NOX1: variants seen among roughly 807,000 people sequenced by gnomAD.
NOX1 encodes NADH/NADPH mitogenic oxidase subunit P65-MOX.
Under a neutral mutation model 42.5 loss-of-function variants are expected in NOX1, and 34 were observed. The ratio of observed to expected loss-of-function variants is 0.80; its 90% CI spans 0.61 to 1.07. The LOEUF is 1.07. NOX1 is among the 50% of genes least tolerant of loss of function. The pLI is 0.00. For synonymous variants in NOX1, 143 were observed against 152.5 expected (o/e 0.94, Z 0.46); for missense variants, 408 against 427.0 (o/e 0.96, Z 0.39).
intron 1 of NOX1, among the ~76,000 whole-genome samples, chrX:100,871,158 G>A (rs1405949592): frequency 8.9e-6 from 1 of 112,304 alleles, no homozygotes; most frequent in East Asian, 2.8e-4. Flanking sequence ...GCATGTGAAA[G>A]TTATATGAAA....
At chrX:100,868,058 C>T (rs1413728771) in intron 2 of NOX1, among the ~76,000 whole-genome samples, 1 of 112,018 alleles carries the variant, frequency 8.9e-6, no homozygotes, top group African/African-American at 3.2e-5. Flanking sequence ...CTGTTAATAA[C>T]TAGTCACATT....
At chrX:100,853,288 T>TC (rs1569445569) in intron 7 of NOX1, among the ~76,000 whole-genome samples, 29 of 69,645 alleles carry the variant, frequency 4.2e-4, no homozygotes, top group African/African-American at 1.6e-3. Flanking sequence ...CTTTCTTTCT[T>TC]TCTTTCTTTC....
In NOX1 at chrX:100,849,868, C is replaced by T. The variant is rs781040388; in HGVS notation, c.1200G>A (p.Leu400=). 35 of 1,209,094 alleles carry T rather than the reference C, an allele frequency of 2.9e-5. No homozygotes were observed. The South Asian group carries it at 4.1e-4, about 14-fold the overall frequency. ...EDVFQYEVAV[L]VGAGIGVTPF... ...GGGTGACCCCAATTCCTGCTCCAACCAGCACAGCCACTTCATACTGGAAAA... is the reference window on the plus strand; with the variant it reads ...GGGTGACCCCAATTCCTGCTCCAACTAGCACAGCCACTTCATACTGGAAAA... Residue 400 remains leucine, a synonymous_variant, in exon 10 of 13, where the codon CTG becomes CTA. Transcript: ENST00000372966.
At chrX:100,857,766 T>G (rs962566814) in intron 7 of NOX1, among the ~76,000 whole-genome samples, 2 of 110,521 alleles carry the variant, frequency 1.8e-5, no homozygotes, top group African/African-American at 3.3e-5. Context: ...TTTGTGTTTT[T>G]TTGTTGTTGT....
At position 100,863,479 on chromosome X, in the gene NOX1, A is replaced by T. The variant is rs1242415717; in HGVS notation, c.252+6T>A. 8.3e-7 allele frequency: 1 copy of T among 1,207,829 alleles called. No homozygotes were observed. The highest frequency in any genetic ancestry group is 3.0e-5 in the East Asian group (1 of 33,789). On this transcript the variant is annotated splice_donor_region_variant and intron_variant, in intron 3 of 12. Transcript: ENST00000372966. Reference sequence around the variant, plus strand: ...GAAAGTTGACTTAGGAGTGGTTGGGACTCACTGAGCAGGTGCCCCTCAGGA... The same window carrying T: ...GAAAGTTGACTTAGGAGTGGTTGGGTCTCACTGAGCAGGTGCCCCTCAGGA...
intron 12 of NOX1, among the ~76,000 whole-genome samples, chrX:100,845,131 G>A (rs2085063858): frequency 8.9e-6 from 1 of 111,774 alleles, no homozygotes; most frequent in Non-Finnish European, 1.9e-5. Flanking sequence ...CAGCCACAAA[G>A]TTATGCAACC....
In NOX1 at chrX:100,851,280, T is replaced by G; in HGVS notation, c.850A>C (p.Arg284=). Reference sequence around the variant, plus strand: ...TGGGAGCGGTAAAACCGGAGGATCCTTTCACAGATATAAAGAATGACCGGT... The same window carrying G: ...TGGGAGCGGTAAAACCGGAGGATCCGTTCACAGATATAAAGAATGACCGGT... ...LAPVILYICE[R]ILRFYRSQQK... Residue 284 remains arginine (R), a synonymous_variant, in exon 8 of 13, where the codon AGG becomes CGG. Coordinates refer to ENST00000372966, the MANE Select transcript of NOX1 (RefSeq NM_007052.5). 2.5e-6 allele frequency: 3 copies of G among 1,199,846 alleles called. No homozygotes were observed. Among genetic ancestry groups the G allele is most frequent in the Non-Finnish European group, 3.4e-6 (3 of 887,090 alleles).
At position 100,855,736 on chromosome X, in the gene NOX1, C is replaced by T; in HGVS notation, c.805-4411G>A. The T allele has an allele frequency of 7.8e-6, 8 of 1,023,361 alleles. No homozygotes were observed. In the South Asian group the frequency reaches 1.3e-4, roughly 17 times the overall value. The allele number at this position is 1,023,361 out of a possible 1,213,427, so 84.3% of individuals were successfully genotyped here. Reference sequence around the variant, plus strand: ...TGGCTGCCACCAAAGCCACCATGACCACTGAAGTTTCCTCCACAACCAAAG... The same window carrying T: ...TGGCTGCCACCAAAGCCACCATGACTACTGAAGTTTCCTCCACAACCAAAG... On this transcript the variant is annotated intron_variant, in intron 7 of 12. Transcript: ENST00000372966.
At chrX:100,850,904 A>G (rs2085109635) in intron 8 of NOX1, among the ~76,000 whole-genome samples, 1 of 110,063 alleles carries the variant, frequency 9.1e-6, no homozygotes, top group African/African-American at 3.3e-5. Flanking sequence ...CAGTGGCGCT[A>G]TTTCAACTCA....
chrX:100,848,555 G>T, intron 12 of NOX1, 75 bp downstream of exon 12: 1 of 1,035,963 alleles, frequency 9.7e-7, no homozygotes, highest in Non-Finnish European at 1.3e-6. Context: ...GCCTCCCAAA[G>T]TGCTGAGATT....
intron 2 of NOX1, among the ~76,000 whole-genome samples, chrX:100,867,715 G>A (rs7890131): frequency 0.052 from 5,554 of 107,504 alleles, 136 homozygotes; most frequent in Non-Finnish European, 0.079. Context: ...CTGGGTAACA[G>A]AGAAAGACCC....
chrX:100,848,181 T>G (rs1190815413), intron 12 of NOX1, among the ~76,000 whole-genome samples: 1 of 111,916 alleles, frequency 8.9e-6, no homozygotes, highest in Non-Finnish European at 1.9e-5. Context: ...ATTTCCTCGG[T>G]CTTCACCAAG....
intron 1 of NOX1, among the ~76,000 whole-genome samples, chrX:100,871,755 C>T (rs1403656976): frequency 9.0e-6 from 1 of 111,158 alleles, no homozygotes. Context: ...ATCCCTCGCC[C>T]CACAGTATGA....
chrX:100,868,916 G>C (rs1469312776), intron 2 of NOX1, among the ~76,000 whole-genome samples: 2 of 110,459 alleles, frequency 1.8e-5, no homozygotes, highest in East Asian at 5.7e-4. Flanking sequence ...ATTAAATAGG[G>C]AATCCTTTCC....
chrX:100,867,664 C>G (rs1053588673), intron 2 of NOX1, among the ~76,000 whole-genome samples: 1 of 110,043 alleles, frequency 9.1e-6, no homozygotes, highest in African/African-American at 3.3e-5. Flanking sequence ...CTGGGAGAGT[C>G]GAGGCTGCAG....
chrX:100,855,781 C>T (rs1240125173), intron 7 of NOX1: 3 of 1,057,936 alleles, frequency 2.8e-6, no homozygotes, highest in Non-Finnish European at 3.9e-6. Context: ...CCACCAAAAC[C>T]ACCTCCACGA....
chrX:100,861,199 T>C (rs932200381), intron 7 of NOX1, among the ~76,000 whole-genome samples: 1 of 111,966 alleles, frequency 8.9e-6, no homozygotes, highest in East Asian at 2.8e-4. Context: ...GTATCCTCGA[T>C]TCATATTTTA....
chrX:100,846,986 G>A (rs1219184200), intron 12 of NOX1, among the ~76,000 whole-genome samples: 4 of 111,454 alleles, frequency 3.6e-5, no homozygotes, highest in African/African-American at 9.8e-5. Context: ...TCAGGAGTTC[G>A]AGACCAGCCT....
At position 100,874,291 on chromosome X, in the gene NOX1, G is replaced by A. The variant is rs2085294286; in HGVS notation, c.-152C>T. The A allele has an allele frequency of 2.2e-6, 1 of 460,665 alleles. No homozygotes were observed. Among genetic ancestry groups the A allele is most frequent in the Admixed American group, 3.5e-5 (1 of 28,783 alleles). The allele number at this position is 460,665 out of a possible 1,213,427, so 38.0% of individuals were successfully genotyped here. On this transcript the variant is annotated 5_prime_UTR_variant, in exon 1 of 13. Transcript: ENST00000372966. ...ACACACACCTACCCCAAGAGTTCCT[G>A]GGAATGAATAAGTTTATTCTGCCTT...
Sources: gnomAD v4.1 joint callset for allele counts (sites outside exome capture counted in the v4.1 genomes callset) on GRCh38, gnomAD v4.1.1 for gene constraint, MANE v1.5 for transcripts, NCBI Gene and HGNC (gene_info 2026-07-23, HGNC 2026-07-21) for gene names.